NTHL1: variants seen among roughly 807,000 people sequenced by gnomAD.
NTHL1 encodes nth like DNA glycosylase 1, also known as endonuclease III-like protein 1.
In NTHL1, 32 loss-of-function variants were observed where a neutral mutation model predicts 32.3. That is an observed-to-expected ratio of 0.99 (90% CI 0.75 to 1.33). The LOEUF (loss-of-function observed/expected upper bound fraction) is 1.33, where lower values mean the gene tolerates loss of function less well. Ranked by LOEUF, NTHL1 falls within the 40% of genes most tolerant of loss-of-function variation. NTHL1 has a pLI of 0.00. For missense variants in NTHL1, 501 were observed against 414.1 expected, an observed-to-expected ratio of 1.21 and a Z score of -1.82; for synonymous variants, 188 against 176.9, an observed-to-expected ratio of 1.06 and a Z score of -0.50.
rs560239348 is a variant in NTHL1, at chr16:2,040,228, C to G, written c.696G>C (p.Thr232=). Residue 232 remains threonine, a synonymous_variant, in exon 5 of 6, where the codon ACG becomes ACC. Transcript: ENST00000651570. ...GCCTGTTGGCGATTCTGTGCACATG[C>G]GTGTCCACTGCTGCTGGGAGGCCAA... ...WGTVSGIAVD[T]HVHRIANRLR... 4 of 1,613,608 alleles carry G rather than the reference C, an allele frequency of 2.5e-6. No individual in the cohort carries two copies. Among genetic ancestry groups the G allele is most frequent in the African/African-American group, 1.3e-5 (1 of 75,070 alleles).
rs1422162562 is a variant in NTHL1 at position 2,046,273 on chromosome 16, C to T, written c.209G>A (p.Gly70Glu). The change falls in exon 2 of 6, where the codon GGG becomes GAG. Residue 70 changes from glycine (G) to glutamate (E), a missense_variant. Transcript: ENST00000651570. ...YEGSDSEKGE[G>E]AEPLKVPVWE... is the part of the protein sequence containing the mutation. ...GACTGGCACCTTGAGGGGCTCAGCC[C>T]CCTCACCTTTCTCACTGTCCGAGCC... The T allele has an allele frequency of 2.5e-6, 4 of 1,613,302 alleles. No individual in the cohort carries two copies. In the South Asian group the frequency reaches 3.3e-5, roughly 13 times the overall value.
rs764000230 is a variant in NTHL1 at position 2,043,604 on chromosome 16, C to G, written c.648G>C (p.Leu216=). ...LPGVGPKMAH[L]AMAVAWGTVS... The stretch of plus-strand genomic sequence containing the variant: ...CAGTGCCCCAGGCCACAGCCATAGC[C>G]AGGTGTGCCATCTTGGGCCCAACAC... Residue 216 remains leucine, a synonymous_variant, in exon 4 of 6, where the codon CTG becomes CTC. Coordinates refer to ENST00000651570, the MANE Select transcript of NTHL1 (RefSeq NM_002528.7). The surrounding 1 kb of genome is among the most constrained non-coding windows in gnomAD (Gnocchi z 4.4). 1 of 1,610,042 alleles carries G rather than the reference C, an allele frequency of 6.2e-7. No individual in the cohort carries two copies. Among genetic ancestry groups the G allele is most frequent in the South Asian group, 1.1e-5 (1 of 91,084 alleles).
chr16:2,041,863 C>T (rs889022155), intron 4 of NTHL1: 5 of 352,356 alleles, frequency 1.4e-5, no homozygotes, highest in Non-Finnish European at 2.8e-5. Context: ...CTGCCTCGGC[C>T]TCCCAAAGTG....
chr16:2,044,442 A>G lies in NTHL1; in HGVS notation c.525+188T>C. Among the ~76,000 whole-genome samples, 1 of 152,150 alleles carries G rather than the reference A, an allele frequency of 6.6e-6. No homozygotes were observed. The highest frequency in any genetic ancestry group is 1.9e-4 in the East Asian group (1 of 5,190). ...GAAGGAAGGGAGGATGCGAACAGGAAGGCCAAGGAGCTGCTGGGACTGGGC... is the reference window on the plus strand; with the variant it reads ...GAAGGAAGGGAGGATGCGAACAGGAGGGCCAAGGAGCTGCTGGGACTGGGC... On this transcript the variant is annotated intron_variant, in intron 3 of 5. Coordinates refer to ENST00000651570, the MANE Select transcript of NTHL1 (RefSeq NM_002528.7). The surrounding 1 kb of genome is among the most constrained non-coding windows in gnomAD (Gnocchi z 5.0).
At chr16:2,041,463 G>A (rs1444270207) in intron 4 of NTHL1, among the ~76,000 whole-genome samples, 7 of 151,144 alleles carry the variant, frequency 4.6e-5, no homozygotes, top group East Asian at 3.9e-4. Context: ...TTTTTTAAAC[G>A]GAGTCTTGCT....
intron 4 of NTHL1, chr16:2,041,933 A>T: frequency 2.4e-6 from 1 of 415,054 alleles, no homozygotes; most frequent in Admixed American, 2.8e-5. Context: ...TTGTATTTTT[A>T]GTAGAGAGCG....
rs562647302 is a variant in NTHL1 at position 2,041,414 on chromosome 16, G to C, written c.686-1176C>G. Among the ~76,000 whole-genome samples the C allele has an allele frequency of 1.3e-4, 20 of 152,230 alleles. 1 individual carries two copies. The South Asian group carries it at 3.7e-3, about 28-fold the overall frequency. On this transcript the variant is annotated intron_variant, in intron 4 of 5. Transcript: ENST00000651570. ...ACCCAGCCAGGAGGTGCAGAGCTGGGACCGGAGCCAGCAATCTATGGCTGT... is the reference window on the plus strand; with the variant it reads ...ACCCAGCCAGGAGGTGCAGAGCTGGCACCGGAGCCAGCAATCTATGGCTGT...
Position 2,047,742 on chromosome 16 carries a change from G to GC in NTHL1, c.81dup (p.Pro28AlafsTer34). 6.3e-7 allele frequency: 1 copy of GC among 1,585,672 alleles called. No individual in the cohort carries two copies. The highest frequency in any genetic ancestry group is 8.5e-7 in the Non-Finnish European group (1 of 1,172,152). ...GCCTCTCTTCTCCGGAGAGGCCCGGGCTCCTCCCTACACCCCCGCGGCCCA... is the reference window on the plus strand; with the variant it reads ...GCCTCTCTTCTCCGGAGAGGCCCGGGCCTCCTCCCTACACCCCCGCGGCCCA... On this transcript the variant is annotated frameshift_variant, in exon 1 of 6. Coordinates refer to ENST00000651570, the MANE Select transcript of NTHL1 (RefSeq NM_002528.7). LOFTEE classifies it high-confidence loss of function.
rs956016009 is a variant in NTHL1, at chr16:2,044,872, G to A, written c.355-72C>T. ...ATTCCCTGGCCAGGCTCCGCCCCCC[G>A]CCCTCGACACACCCTGGTTTGTTGC... On this transcript the variant is annotated intron_variant, in intron 2 of 5. Coordinates refer to ENST00000651570, the MANE Select transcript of NTHL1 (RefSeq NM_002528.7). This position sits in a 1 kb window ranked among gnomAD's most constrained non-coding sequence, Gnocchi z 5.0. 24 of 1,471,830 alleles carry A rather than the reference G, an allele frequency of 1.6e-5. No individual in the cohort carries two copies. The highest frequency in any genetic ancestry group is 1.3e-4 in the African/African-American group (9 of 71,848). 91.2% of individuals were successfully genotyped at this position (1,471,830 alleles called of 1,614,324 possible).
At chr16:2,045,359 G>GT (rs2084330660) in intron 2 of NTHL1, among the ~76,000 whole-genome samples, 1 of 152,018 alleles carries the variant, frequency 6.6e-6, no homozygotes, top group African/African-American at 2.4e-5. Context: ...CAACACGATC[G>GT]TATCTGGCCC....
At position 2,046,213 on chromosome 16, in the gene NTHL1, T is replaced by C. The variant is rs1442043769; in HGVS notation, c.269A>G (p.Asn90Ser). Reference sequence around the variant, plus strand: ...CTTTTTGTTCCTCATGGCACGGATGTTGACCAGCTGTTGCTGCCAGTCCTG... The same window carrying C: ...CTTTTTGTTCCTCATGGCACGGATGCTGACCAGCTGTTGCTGCCAGTCCTG... ...EPQDWQQQLVNIRAMRNKKDA... is the reference protein window; with the variant it reads ...EPQDWQQQLVSIRAMRNKKDA... Residue 90 changes from asparagine to serine, a missense_variant, in exon 2 of 6, where the codon AAC (asparagine) becomes AGC (serine). Transcript: ENST00000651570. 3.7e-6 allele frequency: 6 copies of C among 1,613,120 alleles called. No individual in the cohort carries two copies. The highest frequency in any genetic ancestry group is 5.1e-6 in the Non-Finnish European group (6 of 1,180,012).
chr16:2,043,894 G>T lies in NTHL1; in HGVS notation c.526-168C>A. ...GGCGGGAACAAGCGGAGGGCAGCAG[G>T]GAGGCCCAAGGTAGGCCTGACCCCC... On this transcript the variant is annotated intron_variant, in intron 3 of 5. Transcript: ENST00000651570. This position sits in a 1 kb window ranked among gnomAD's most constrained non-coding sequence, Gnocchi z 4.4. 1 of 736,334 alleles carries T rather than the reference G, an allele frequency of 1.4e-6. No homozygotes were observed. The highest frequency in any genetic ancestry group is 2.3e-6 in the Non-Finnish European group (1 of 438,888). The allele number at this position is 736,334 out of a possible 1,614,324, so 45.6% of individuals were successfully genotyped here. A position where few individuals can be genotyped will look rare whatever the true frequency, so the allele number is the denominator to read the frequency against.
chr16:2,039,841 T>C lies in NTHL1; in HGVS notation c.*83A>G, dbSNP rs2084234182. 3.8e-6 allele frequency: 6 copies of C among 1,581,104 alleles called. No individual in the cohort carries two copies. In the Admixed American group the frequency reaches 5.0e-5, roughly 13 times the overall value. On this transcript the variant is annotated 3_prime_UTR_variant, in exon 6 of 6. Transcript: ENST00000651570. ...CATCTGCAAACACACCAAAGCTTTA[T>C]TCAACAGGCGTGGCTTCCTGAAGCG...
intron 4 of NTHL1, among the ~76,000 whole-genome samples, chr16:2,042,433 G>A (rs769526702): frequency 6.6e-6 from 1 of 152,180 alleles, no homozygotes; most frequent in Non-Finnish European, 1.5e-5. Context: ...AGCCTCACCA[G>A]GTGGCCCCGG....
rs2084525681 is a variant in NTHL1 at position 2,047,780 on chromosome 16, AGGCTCC to A, written c.38_43del (p.Arg13_Ser14del). ...CCCCCGCGGCCCAGCCCCGGGTCCC[AGGCTCC>A]GGCTCCGGGTCAGCATCCTCGCGCT... is the stretch of plus-strand genomic sequence containing the variant. On this transcript the variant is annotated inframe_deletion, in exon 1 of 6. Coordinates refer to ENST00000651570, the MANE Select transcript of NTHL1 (RefSeq NM_002528.7). 6.3e-7 allele frequency: 1 copy of A among 1,589,094 alleles called. No homozygotes were observed. The highest frequency in any genetic ancestry group is 8.5e-7 in the Non-Finnish European group (1 of 1,172,968).
chr16:2,047,729 C>G lies in NTHL1; in HGVS notation c.95G>C (p.Arg32Pro). 1 of 1,583,416 alleles carries G rather than the reference C, an allele frequency of 6.3e-7. No homozygotes were observed. Among genetic ancestry groups the G allele is most frequent in the South Asian group, 1.1e-5 (1 of 88,130 alleles). Residue 32 changes from arginine (R) to proline (P), a missense_variant, in exon 1 of 6, where the codon CGG (arginine) becomes CCG (proline). Coordinates refer to ENST00000651570, the MANE Select transcript of NTHL1 (RefSeq NM_002528.7). ...GCTACCTGCTGCAGCCTCTCTTCTC[C>G]GGAGAGGCCCGGGCTCCTCCCTACA... The part of the protein sequence containing the change: ...RGCREEPGPL[R>P]RREAAAEARK...
At chr16:2,041,927 A>G in intron 4 of NTHL1, 1 of 402,742 alleles carries the variant, frequency 2.5e-6, no homozygotes, top group Non-Finnish European at 4.9e-6. Flanking sequence ...TAATTTTTGT[A>G]TTTTTAGTAG....
In NTHL1 at chr16:2,044,771, C is replaced by T. The variant is rs755185485; in HGVS notation, c.384G>A (p.Leu128=). 6.2e-7 allele frequency: 1 copy of T among 1,610,796 alleles called. No homozygotes were observed. The highest frequency in any genetic ancestry group is 8.5e-7 in the Non-Finnish European group (1 of 1,178,738). The change falls in exon 3 of 6, where the codon CTG becomes CTA. Residue 128 remains leucine, a synonymous_variant. Transcript: ENST00000651570. The surrounding 1 kb of genome is among the most constrained non-coding windows in gnomAD (Gnocchi z 5.0). The stretch of plus-strand genomic sequence containing the variant: ...GGTCTTTGGTTTGGCTGGAGAGCAT[C>T]AGTGACAGCAGCACCTGGTACCTGC... The part of the protein sequence containing the change: ...KVRRYQVLLS[L]MLSSQTKDQV...
rs2084244873 is a variant in NTHL1, at chr16:2,040,244, G to A, written c.686-6C>T. 4 of 1,612,798 alleles carry A rather than the reference G, an allele frequency of 2.5e-6. No homozygotes were observed. Among genetic ancestry groups the A allele is most frequent in the Non-Finnish European group, 3.4e-6 (4 of 1,179,712 alleles). On this transcript the variant is annotated splice_polypyrimidine_tract_variant and splice_region_variant and intron_variant, in intron 4 of 5. Transcript: ENST00000651570. ...GTGCACATGCGTGTCCACTGCTGCT[G>A]GGAGGCCAAGCGGGGTGAACAGGGG...
Sources: gnomAD v4.1 joint callset for allele counts (sites outside exome capture counted in the v4.1 genomes callset) on GRCh38, gnomAD v4.1.1 for gene constraint, Gnocchi (gnomAD v3.1) non-coding constraint, MANE v1.5 for transcripts, NCBI Gene and HGNC (gene_info 2026-07-23, HGNC 2026-07-21) for gene names.